Variants in DCAF8L2 observed in about 807,000 individuals in gnomAD.
DCAF8L2 encodes the protein DDB1- and CUL4-associated factor 8-like protein 2.
For missense variants in DCAF8L2, 430 were observed against 490.7 expected, an observed-to-expected ratio of 0.88 and a Z score of 1.17; for synonymous variants, 200 against 190.9, an observed-to-expected ratio of 1.05 and a Z score of -0.39.
chrX:27,613,303 A>T (rs1487079131), intron 1 of DCAF8L2, among the ~76,000 whole-genome samples: 8 of 111,880 alleles, frequency 7.2e-5, no homozygotes, highest in Non-Finnish European at 1.5e-4. Context: ...TTGATTTTGT[A>T]TCCTGAGACT....
At chrX:27,594,263 T>C (rs1272060306) in intron 1 of DCAF8L2, among the ~76,000 whole-genome samples, 2 of 111,906 alleles carry the variant, frequency 1.8e-5, no homozygotes, top group Admixed American at 9.5e-5. Flanking sequence ...AGGATAACAA[T>C]TGCAGTCAGT....
chrX:27,691,316 T>G (rs553695805), intron 3 of DCAF8L2, among the ~76,000 whole-genome samples: 3 of 111,719 alleles, frequency 2.7e-5, no homozygotes, highest in African/African-American at 9.7e-5. Flanking sequence ...GAAATATAGA[T>G]GAGAGATAAT....
At chrX:27,674,000 A>G (rs1291120812) in intron 2 of DCAF8L2, among the ~76,000 whole-genome samples, 2 of 111,437 alleles carry the variant, frequency 1.8e-5, no homozygotes, top group African/African-American at 3.3e-5. Flanking sequence ...TCACCCTTAA[A>G]TCACCCATCA....
At chrX:27,538,590 C>G in the DCAF8L2 span, among the ~76,000 whole-genome samples, 1 of 110,445 alleles carries the variant, frequency 9.1e-6, no homozygotes, top group African/African-American at 3.3e-5. Flanking sequence ...GATGGGGTTT[C>G]ACCATGTTGG....
chrX:27,540,823 A>G, the DCAF8L2 span, among the ~76,000 whole-genome samples: 1 of 109,604 alleles, frequency 9.1e-6, no homozygotes, highest in Non-Finnish European at 1.9e-5. Context: ...TGAAATATTA[A>G]TATCACACAT....
the DCAF8L2 span, among the ~76,000 whole-genome samples, chrX:27,562,058 C>G: frequency 1.8e-5 from 2 of 111,921 alleles, no homozygotes; most frequent in Non-Finnish European, 3.8e-5. Context: ...TTTTCACATG[C>G]CTGTAAACAC....
At chrX:27,496,407 T>G in the DCAF8L2 span, among the ~76,000 whole-genome samples, 1 of 111,720 alleles carries the variant, frequency 9.0e-6, no homozygotes, top group South Asian at 3.7e-4. Context: ...CCACATTTCC[T>G]TCTTACCTCT....
At chrX:27,684,716 A>G (rs1930442823) in intron 3 of DCAF8L2, among the ~76,000 whole-genome samples, 1 of 111,814 alleles carries the variant, frequency 8.9e-6, no homozygotes, top group African/African-American at 3.2e-5. Context: ...TCTACATGGT[A>G]GGACATCTTT....
chrX:27,593,120 A>G (rs1187347725), intron 1 of DCAF8L2, among the ~76,000 whole-genome samples: 1 of 111,760 alleles, frequency 8.9e-6, no homozygotes, highest in African/African-American at 3.3e-5. Flanking sequence ...TTTTAAGCGC[A>G]TAGTTCAGTG....
Position 27,673,507 on chromosome X carries a change from CAA to C in DCAF8L2, c.-219-4312_-219-4311del, listed in dbSNP as rs57955039. Among the ~76,000 whole-genome samples, 94 of 54,386 alleles carry C rather than the reference CAA, an allele frequency of 1.7e-3. No homozygotes were observed. In the Middle Eastern group the frequency reaches 0.033, roughly 19 times the overall value. 47.2% of individuals were successfully genotyped at this position (54,386 alleles called of 115,157 possible). On this transcript the variant is annotated intron_variant, in intron 2 of 4. Transcript: ENST00000451261. ...TGGGTGACAGAGTGAGATTCCATCT[CAA>C]AAAAAAAAAAAAAAAAGATTTGGGG...
chrX:27,628,885 G>A (rs1928166653), intron 1 of DCAF8L2, among the ~76,000 whole-genome samples: 1 of 111,584 alleles, frequency 9.0e-6, no homozygotes, highest in Non-Finnish European at 1.9e-5. Context: ...TTACAGGTGT[G>A]AGTCTTTTTG....
intron 4 of DCAF8L2, among the ~76,000 whole-genome samples, chrX:27,743,104 T>C (rs1921950473): frequency 9.0e-6 from 1 of 111,582 alleles, no homozygotes; most frequent in East Asian, 2.8e-4. Flanking sequence ...TTTTTTGAGA[T>C]AGGGTCTTAC....
chrX:27,508,513 C>T, the DCAF8L2 span, among the ~76,000 whole-genome samples: 15 of 109,099 alleles, frequency 1.4e-4, no homozygotes, highest in Non-Finnish European at 1.9e-4. Context: ...GACAGCAACA[C>T]AGCATGCACA....
intron 1 of DCAF8L2, among the ~76,000 whole-genome samples, chrX:27,615,523 C>CT (rs1454869271): frequency 5.8e-5 from 5 of 86,689 alleles, no homozygotes; most frequent in African/African-American, 1.8e-4. Context: ...TAGATTCTAT[C>CT]AATCTATCTA....
At chrX:27,488,517 C>G in the DCAF8L2 span, among the ~76,000 whole-genome samples, 4 of 80,492 alleles carry the variant, frequency 5.0e-5, no homozygotes, top group Admixed American at 1.5e-4. Flanking sequence ...AAAATTACCT[C>G]TGTGTGTGTG....
chrX:27,682,367 T>C (rs1345812356), intron 3 of DCAF8L2, among the ~76,000 whole-genome samples: 1 of 111,971 alleles, frequency 8.9e-6, no homozygotes, highest in Non-Finnish European at 1.9e-5. Context: ...GGTCTCTGAA[T>C]GTAGGAATTT....
At chrX:27,527,686 A>G in the DCAF8L2 span, among the ~76,000 whole-genome samples, 1 of 107,160 alleles carries the variant, frequency 9.3e-6, no homozygotes, top group Non-Finnish European at 1.9e-5. Flanking sequence ...TTTTCCGCTC[A>G]TGTCACCCAG....
chrX:27,518,057 A>G, the DCAF8L2 span: 1 of 915,281 alleles, frequency 1.1e-6, no homozygotes, highest in Non-Finnish European at 1.6e-6. Flanking sequence ...TTACAGTTCT[A>G]GTTTAGAGCT....
chrX:27,630,405 A>T lies in DCAF8L2; in HGVS notation c.-341-1474A>T, dbSNP rs183361870. Among the ~76,000 whole-genome samples, 433 of 111,753 alleles carry T rather than the reference A, an allele frequency of 3.9e-3. 3 individuals carry two copies. The highest frequency in any genetic ancestry group is 6.1e-3 in the Non-Finnish European group (324 of 53,142). The stretch of plus-strand genomic sequence containing the variant: ...AGCCTCTGAAAAAGAAAAGCCCCTG[A>T]CCAGATGGCTTTACTGGTGAATTAT... On this transcript the variant is annotated intron_variant, in intron 1 of 4. Transcript: ENST00000451261.
Sources: gnomAD v4.1 joint callset for allele counts (sites outside exome capture counted in the v4.1 genomes callset) on GRCh38, gnomAD v4.1.1 for gene constraint, MANE v1.5 for transcripts, NCBI Gene and HGNC (gene_info 2026-07-23, HGNC 2026-07-21) for gene names.